The following KDM2B variants were observed in gnomAD, a reference collection of about 807,000 sequenced individuals.
The protein encoded by KDM2B is lysine demethylase 2B, also known as lysine-specific demethylase 2B.
Under a neutral mutation model 150.0 loss-of-function variants are expected in KDM2B, and 26 were observed. That is an observed-to-expected ratio of 0.17 (90% CI 0.13 to 0.24). KDM2B has a LOEUF of 0.24. Ranked by LOEUF, KDM2B falls within the 10% of genes least tolerant of loss-of-function variation. KDM2B has a pLI of 1.00. For missense variants in KDM2B, 1,265 were observed against 1,816.9 expected (o/e 0.70, Z 5.52); for synonymous variants, 734 against 729.5 (o/e 1.01, Z -0.10).
In KDM2B at chr12:121,568,501, AAAAAG is replaced by A. The variant is rs374540248; in HGVS notation, c.397+6041_397+6045del. On this transcript the variant is annotated intron_variant, in intron 4 of 22. Transcript: ENST00000377071. ...CAAAATCACACACACATACACACAA[AAAAAG>A]AAAAGAAATCTACAACTACACACAA... 2.0e-4 allele frequency among the ~76,000 whole-genome samples: 31 copies of A among 152,248 alleles called. 1 individual carries two copies. In the East Asian group the frequency reaches 2.3e-3, roughly 11 times the overall value.
chr12:121,490,938 G>A (rs781925445), intron 12 of KDM2B, among the ~76,000 whole-genome samples: 3 of 152,162 alleles, frequency 2.0e-5, no homozygotes, highest in Middle Eastern at 3.4e-3. Context: ...TCCCTACCTC[G>A]CATCCTGAGG....
chr12:121,534,426 A>T, intron 7 of KDM2B, 71 bp downstream of exon 7: 1 of 1,077,218 alleles, frequency 9.3e-7, no homozygotes, highest in Non-Finnish European at 1.4e-6. Flanking sequence ...GAGGAGAGGG[A>T]AAGGTAAGTG....
At chr12:121,523,743 T>G (rs1050283725) in intron 8 of KDM2B, among the ~76,000 whole-genome samples, 3 of 152,218 alleles carry the variant, frequency 2.0e-5, no homozygotes, top group African/African-American at 7.2e-5. Context: ...AGAAGCCCAG[T>G]GCTGCCGGGT....
intron 6 of KDM2B, among the ~76,000 whole-genome samples, chr12:121,543,599 G>A (rs1300152646): frequency 1.3e-5 from 2 of 152,010 alleles, no homozygotes; most frequent in African/African-American, 4.8e-5. Context: ...GTCGAGGTGG[G>A]CAGATCACGA....
chr12:121,532,011 G>A lies in KDM2B; in HGVS notation c.931+795C>T, dbSNP rs1048983650. ...GGGAGGCTGAGACTTGGGAGGCTGA[G>A]ACTTGGGAGGCTGACATGAGAACTG... On this transcript the variant is annotated intron_variant, in intron 8 of 22. Coordinates refer to ENST00000377071, the MANE Select transcript of KDM2B (RefSeq NM_032590.5). Among the ~76,000 whole-genome samples, 9 of 151,894 alleles carry A rather than the reference G, an allele frequency of 5.9e-5. No homozygotes were observed. In the East Asian group the frequency reaches 1.7e-3, roughly 29 times the overall value.
chr12:121,527,386 C>T (rs1271195417), intron 8 of KDM2B, among the ~76,000 whole-genome samples: 2 of 137,266 alleles, frequency 1.5e-5, no homozygotes, highest in East Asian at 2.4e-4. Flanking sequence ...GGAGGCCGGG[C>T]ACGGTGGCTC....
the KDM2B span, among the ~76,000 whole-genome samples, chr12:121,421,385 A>ACAAAC: frequency 2.7e-5 from 4 of 147,274 alleles, no homozygotes; most frequent in Non-Finnish European, 4.6e-5. Context: ...AAAAAAAAAA[A>ACAAAC]AAAAAAAAAA....
intron 4 of KDM2B, among the ~76,000 whole-genome samples, chr12:121,556,395 C>T (rs1367286338): frequency 6.6e-6 from 1 of 152,120 alleles, no homozygotes; most frequent in East Asian, 1.9e-4. Flanking sequence ...TTGGCACCTC[C>T]CTCCTCTCTC....
At position 121,533,421 on chromosome 12, in the gene KDM2B, C is replaced by T. The variant is rs1555308161; in HGVS notation, c.778-462G>A. Among the ~76,000 whole-genome samples the T allele has an allele frequency of 6.6e-6, 1 of 152,186 alleles. No homozygotes were observed. The highest frequency in any genetic ancestry group is 6.5e-5 in the Admixed American group (1 of 15,280). ...TTTCTTCCAACACGTTCAGTTAAAA[C>T]AAACGCACATGCAGACCCAGCCAAG... On this transcript the variant is annotated intron_variant, in intron 7 of 22. Coordinates refer to ENST00000377071, the MANE Select transcript of KDM2B (RefSeq NM_032590.5). This position sits in a 1 kb window ranked among gnomAD's most constrained non-coding sequence, Gnocchi z 4.1.
At chr12:121,441,706 A>G (rs1875093613) in intron 19 of KDM2B, among the ~76,000 whole-genome samples, 1 of 152,178 alleles carries the variant, frequency 6.6e-6, no homozygotes, top group African/African-American at 2.4e-5. Context: ...GATTACAGGC[A>G]TGAGCCACTG....
intron 2 of KDM2B, among the ~76,000 whole-genome samples, chr12:121,576,835 C>G (rs1163092953): frequency 2.0e-5 from 3 of 152,184 alleles, no homozygotes; most frequent in Admixed American, 6.5e-5. Context: ...GAAGAGGCCT[C>G]AGGCCACTGA....
chr12:121,495,253 TG>T (rs1449866463), intron 11 of KDM2B, among the ~76,000 whole-genome samples: 16 of 152,074 alleles, frequency 1.1e-4, no homozygotes, highest in African/African-American at 3.1e-4. Context: ...TTCTGCCTCT[TG>T]GGTTCAAGCG....
chr12:121,441,166 G>A lies in KDM2B; in HGVS notation c.3352C>T (p.Leu1118=). The A allele has an allele frequency of 6.2e-7, 1 of 1,614,210 alleles. No homozygotes were observed. The highest frequency in any genetic ancestry group is 8.5e-7 in the Non-Finnish European group (1 of 1,180,022). ...GGCTGTCGCCGGATGATGCCACTCA[G>A]CATCAGGGGTGTGATAGACTTGCAG... ...NHCKSITPLM[L]SGIIRRQPVS... is the part of the protein sequence containing the mutation. The change falls in exon 20 of 23, where the codon CTG becomes TTG. Residue 1118 remains leucine (L), a synonymous_variant. Coordinates refer to ENST00000377071, the MANE Select transcript of KDM2B (RefSeq NM_032590.5).
At chr12:121,574,954 A>G (rs1891404786) in intron 3 of KDM2B, among the ~76,000 whole-genome samples, 1 of 152,202 alleles carries the variant, frequency 6.6e-6, no homozygotes, top group Non-Finnish European at 1.5e-5. Context: ...AGCCCTCTCT[A>G]TGTCTCTTTC....
At position 121,445,427 on chromosome 12, in the gene KDM2B, C is replaced by T; in HGVS notation, c.1960-9G>A. The T allele has an allele frequency of 6.3e-7, 1 of 1,583,628 alleles. No homozygotes were observed. Among genetic ancestry groups the T allele is most frequent in the Non-Finnish European group, 8.6e-7 (1 of 1,163,444 alleles). On this transcript the variant is annotated splice_polypyrimidine_tract_variant and intron_variant, in intron 13 of 22. Transcript: ENST00000377071. ...GTGTGGGGCAGCACTGGCTGAGGAG[C>T]CAGGGAGAACAAGACAAGTCATCAG...
downstream of KDM2B, among the ~76,000 whole-genome samples, chr12:121,426,969 A>G (rs1252241229): frequency 6.6e-6 from 1 of 152,148 alleles, no homozygotes; most frequent in Non-Finnish European, 1.5e-5. Context: ...TGTCATATGG[A>G]TAAGTCTGCA....
chr12:121,442,782 G>A lies in KDM2B; in HGVS notation c.2659C>T (p.Arg887Trp), dbSNP rs781886803. The change falls in exon 19 of 23, where the codon CGG becomes TGG. Residue 887 changes from arginine to tryptophan, a missense_variant. Physicochemically the swap from Arg to Trp is moderately radical, Grantham distance 101. Around this residue, in one of 11 missense-constraint regions of KDM2B, gnomAD observed 418 missense variants for 402.4 expected, o/e 1.04. Transcript: ENST00000377071. This position sits in a 1 kb window ranked among gnomAD's most constrained non-coding sequence, Gnocchi z 7.7. ...TCCTCGGGTTCCTGCTTGAAGCGCC[G>A]GAGGGGCTTGTTGGCCAGCGCCATG... ...DRMALANKPL[R>W]RFKQEPEDEL... 4.2e-5 allele frequency: 64 copies of A among 1,541,892 alleles called. 1 individual carries two copies. Among genetic ancestry groups the A allele is most frequent in the Admixed American group, 6.4e-5 (3 of 46,676 alleles).
the KDM2B span, among the ~76,000 whole-genome samples, chr12:121,413,498 G>A: frequency 4.9e-5 from 7 of 142,568 alleles, no homozygotes; most frequent in East Asian, 1.3e-3. Context: ...TGCACCCTCC[G>A]CCTCCTGGGT....
At chr12:121,483,397 G>A (rs1555298243) in intron 12 of KDM2B, among the ~76,000 whole-genome samples, 1 of 152,124 alleles carries the variant, frequency 6.6e-6, no homozygotes, top group East Asian at 1.9e-4. Context: ...CTATGGCCAG[G>A]TGCAGTGGCT....
Sources: gnomAD v4.1 joint callset for allele counts (sites outside exome capture counted in the v4.1 genomes callset) on GRCh38, gnomAD v4.1.1 for gene constraint, gnomAD v4.1.1 regional missense constraint, Gnocchi (gnomAD v3.1) non-coding constraint, MANE v1.5 for transcripts, NCBI Gene and HGNC (gene_info 2026-07-23, HGNC 2026-07-21) for gene names.